Variants in CALD1 observed in about 807,000 individuals in gnomAD.
The protein encoded by CALD1 is caldesmon 1.
Under a neutral mutation model 99.9 loss-of-function variants are expected in CALD1, and 33 were observed. The ratio of observed to expected loss-of-function variants is 0.33; its 90% CI spans 0.25 to 0.44. CALD1 has a LOEUF of 0.44. Ranked by LOEUF, CALD1 falls within the 20% of genes least tolerant of loss-of-function variation. The probability of loss-of-function intolerance (pLI) is 1.00; values close to 1 mark genes in which losing one functional copy is unlikely to be tolerated. For missense variants in CALD1, 861 were observed against 962.1 expected (o/e 0.89, Z 1.39); for synonymous variants, 310 against 325.0 (o/e 0.95, Z 0.50).
chr7:134,764,807 G>A (rs557092647), intron 1 of CALD1, among the ~76,000 whole-genome samples: 1 of 152,270 alleles, frequency 6.6e-6, no homozygotes, highest in South Asian at 2.1e-4. Context: ...CACCAAGACT[G>A]AAGTCACTGA....
chr7:134,756,056 A>G (rs1488482172), intron 1 of CALD1, among the ~76,000 whole-genome samples: 2 of 152,068 alleles, frequency 1.3e-5, no homozygotes, highest in Non-Finnish European at 2.9e-5. Context: ...ATGCCCTGCT[A>G]ATTTGTGTAT....
intron 1 of CALD1, among the ~76,000 whole-genome samples, chr7:134,787,809 C>T (rs3800709): frequency 0.2 from 30,247 of 152,038 alleles, 3,189 homozygotes; most frequent in Non-Finnish European, 0.23. Flanking sequence ...ATTGGAGAGC[C>T]AAAAGTTTCT....
In CALD1 at chr7:134,950,356, T is replaced by C; in HGVS notation, c.1795-18T>C. Reference sequence around the variant, plus strand: ...GAAGCTGGTACTGATGCCTCGTTATTTGTTCTTTCTCTCTTAGGAAGAGAA... The same window carrying C: ...GAAGCTGGTACTGATGCCTCGTTATCTGTTCTTTCTCTCTTAGGAAGAGAA... On this transcript the variant is annotated intron_variant, in intron 8 of 14. Coordinates refer to ENST00000361675, the MANE Select transcript of CALD1 (RefSeq NM_033138.4). 6 of 1,613,358 alleles carry C rather than the reference T, an allele frequency of 3.7e-6. No individual in the cohort carries two copies. Among genetic ancestry groups the C allele is most frequent in the Non-Finnish European group, 5.1e-6 (6 of 1,179,552 alleles).
chr7:134,770,904 C>T (rs190065179), intron 1 of CALD1, among the ~76,000 whole-genome samples: 31 of 152,294 alleles, frequency 2.0e-4, no homozygotes, highest in Non-Finnish European at 2.2e-4. Context: ...TGGTCAAGTC[C>T]GCCTACTTAG....
chr7:134,723,776 G>T, the CALD1 span, among the ~76,000 whole-genome samples: 1 of 152,064 alleles, frequency 6.6e-6, no homozygotes, highest in Non-Finnish European at 1.5e-5. Context: ...ACAATGCAAA[G>T]AATGCACCTG....
chr7:134,867,856 T>G (rs1190145970), intron 3 of CALD1, 52 bp downstream of exon 3: 3 of 1,195,140 alleles, frequency 2.5e-6, no homozygotes, highest in African/African-American at 3.0e-5. Context: ...CAACCTTGGT[T>G]TCAGGCCTCA....
At chr7:134,753,485 T>C (rs1486899672) in intron 1 of CALD1, among the ~76,000 whole-genome samples, 2 of 152,106 alleles carry the variant, frequency 1.3e-5, no homozygotes, top group African/African-American at 2.4e-5. Flanking sequence ...TTGGGGAGTT[T>C]TGAAAAATAC....
intron 3 of CALD1, among the ~76,000 whole-genome samples, chr7:134,879,049 T>C (rs1273393990): frequency 1.3e-5 from 2 of 152,236 alleles, no homozygotes; most frequent in Non-Finnish European, 2.9e-5. Context: ...GGTTTTCTCA[T>C]TGGCCAGCAG....
chr7:134,857,294 C>T (rs1206531680), intron 2 of CALD1, among the ~76,000 whole-genome samples: 1 of 151,228 alleles, frequency 6.6e-6, no homozygotes, highest in Non-Finnish European at 1.5e-5. Flanking sequence ...TCAGCCTCTC[C>T]GAGTAGCTGG....
At chr7:134,760,150 TA>T (rs140436965) in intron 1 of CALD1, among the ~76,000 whole-genome samples, 2,977 of 152,160 alleles carry the variant, frequency 0.02, 42 homozygotes, top group Non-Finnish European at 0.031. Context: ...ACAGGAGCAG[TA>T]GGAGATGAAG....
chr7:134,820,745 A>T (rs1027073059), intron 1 of CALD1, among the ~76,000 whole-genome samples: 2 of 152,216 alleles, frequency 1.3e-5, no homozygotes, highest in Non-Finnish European at 2.9e-5. Flanking sequence ...ATACTCTGAC[A>T]TATTGGTCAA....
chr7:134,940,807 G>A (rs1806367459), intron 6 of CALD1, among the ~76,000 whole-genome samples: 1 of 152,120 alleles, frequency 6.6e-6, no homozygotes, highest in African/African-American at 2.4e-5. Context: ...AGAACTTAGT[G>A]GTTTCCAAAC....
At chr7:134,791,021 C>T (rs930333602) in intron 1 of CALD1, among the ~76,000 whole-genome samples, 4 of 148,608 alleles carry the variant, frequency 2.7e-5, no homozygotes, top group African/African-American at 1.0e-4. Context: ...CATTGATTTA[C>T]AAAAGAAATT....
At chr7:134,784,003 AC>A (rs1797211164) in intron 1 of CALD1, among the ~76,000 whole-genome samples, 1 of 152,176 alleles carries the variant, frequency 6.6e-6, no homozygotes. Context: ...TAAAAAGAAC[AC>A]CCAGAAGTTA....
At chr7:134,801,903 G>A (rs1413591194) in intron 1 of CALD1, among the ~76,000 whole-genome samples, 1 of 152,116 alleles carries the variant, frequency 6.6e-6, no homozygotes, top group East Asian at 1.9e-4. Flanking sequence ...ACAGGTATGA[G>A]CCACCACACC....
intron 9 of CALD1, among the ~76,000 whole-genome samples, chr7:134,952,300 C>CA (rs907431228): frequency 3.5e-4 from 52 of 149,848 alleles, no homozygotes; most frequent in Middle Eastern, 3.4e-3. Context: ...GACCCTATCC[C>CA]AAAAAAAAGA....
intron 1 of CALD1, among the ~76,000 whole-genome samples, chr7:134,841,560 G>T (rs538092968): frequency 6.6e-6 from 1 of 152,104 alleles, no homozygotes; most frequent in African/African-American, 2.4e-5. Flanking sequence ...AAAGGAGCTC[G>T]TGCAAGCCTG....
chr7:134,918,881 A>G (rs1804414316), intron 3 of CALD1, among the ~76,000 whole-genome samples: 1 of 152,198 alleles, frequency 6.6e-6, no homozygotes, highest in Admixed American at 6.5e-5. Context: ...CTGTAGTCCC[A>G]GCTACTCAGG....
intron 1 of CALD1, among the ~76,000 whole-genome samples, chr7:134,843,495 T>C (rs1045275124): frequency 3.3e-5 from 5 of 152,368 alleles, no homozygotes; most frequent in East Asian, 3.9e-4. Context: ...TGGACATACA[T>C]AGACACTACA....
Sources: allele counts gnomAD v4.1 joint callset (sites outside exome capture counted in the v4.1 genomes callset), GRCh38; gene constraint gnomAD v4.1.1; transcripts MANE v1.5; gene names NCBI Gene and HGNC (gene_info 2026-07-23, HGNC 2026-07-21).